DCHS2: variants seen among roughly 807,000 people sequenced by gnomAD.
DCHS2 encodes protocadherin-23.
A neutral mutation model predicts 182.4 loss-of-function variants in DCHS2; 142 were observed. The observed-to-expected ratio is 0.78, with a 90% CI of 0.68 to 0.89. DCHS2 has a LOEUF of 0.89. Ranked by LOEUF, DCHS2 falls within the 40% of genes least tolerant of loss-of-function variation. DCHS2 has a pLI of 0.00. For missense variants in DCHS2, 4,319 were observed against 4,198.6 expected (o/e 1.03, Z -0.79); for synonymous variants, 1,740 against 1,663.3 (o/e 1.05, Z -1.12).
chr4:154,475,076 A>G lies in DCHS2; in HGVS notation c.2052+14228T>C, dbSNP rs1396716328. On this transcript the variant is annotated intron_variant, in intron 1 of 19. Coordinates refer to ENST00000357232, the MANE Select transcript of DCHS2 (RefSeq NM_001358235.2). ...AAAATTAAAGTATTACTACTATTTA[A>G]AATCACTATTACCTTATCCTAATTG... Among the ~76,000 whole-genome samples the G allele has an allele frequency of 2.0e-5, 3 of 152,180 alleles. No homozygotes were observed. The East Asian group carries it at 5.8e-4, about 29-fold the overall frequency.
At chr4:154,475,131 G>A (rs1735633445) in intron 1 of DCHS2, among the ~76,000 whole-genome samples, 1 of 152,116 alleles carries the variant, frequency 6.6e-6, no homozygotes, top group Non-Finnish European at 1.5e-5. Context: ...GCAAGGGAAT[G>A]TAATAAGTGG....
Position 154,236,435 on chromosome 4 carries a change from A to T in DCHS2, c.8217T>A (p.Thr2739=), listed in dbSNP as rs779829506. 1.2e-6 allele frequency: 2 copies of T among 1,614,084 alleles called. No individual in the cohort carries two copies. Among genetic ancestry groups the T allele is most frequent in the Admixed American group, 1.7e-5 (1 of 60,014 alleles). The change falls in exon 20 of 20, where the codon ACT becomes ACA. Residue 2739 remains threonine (T), a synonymous_variant. Coordinates refer to ENST00000357232, the MANE Select transcript of DCHS2 (RefSeq NM_001358235.2). ...DYEKMTKFTL[T]VQASDAEKKH... Reference sequence around the variant, plus strand: ...TCTTTTCTGCATCTGAAGCTTGGACAGTTAAGGTGAATTTTGTCATTTTTT... The same window carrying T: ...TCTTTTCTGCATCTGAAGCTTGGACTGTTAAGGTGAATTTTGTCATTTTTT...
Position 154,278,548 on chromosome 4 carries a change from C to A in DCHS2, c.6464-8535G>T, listed in dbSNP as rs1733975855. Among the ~76,000 whole-genome samples, 8 of 151,198 alleles carry A rather than the reference C, an allele frequency of 5.3e-5. 1 individual carries two copies. The South Asian group carries it at 1.5e-3, about 28-fold the overall frequency. On this transcript the variant is annotated intron_variant, in intron 13 of 19. Coordinates refer to ENST00000357232, the MANE Select transcript of DCHS2 (RefSeq NM_001358235.2). ...TTAAAGGACTATACATAGGATAAAT[C>A]CAAAGAAATCTACGTGAGAACACAT...
At chr4:154,304,476 C>T (rs1056920232) in intron 12 of DCHS2, among the ~76,000 whole-genome samples, 193 bp downstream of exon 12, 2 of 152,020 alleles carry the variant, frequency 1.3e-5, no homozygotes, top group African/African-American at 4.8e-5. Flanking sequence ...TGTGTGTCAA[C>T]TCAGTCAGCA....
chr4:154,374,029 G>A, intron 2 of DCHS2: 1 of 1,098,978 alleles, frequency 9.1e-7, no homozygotes, highest in Non-Finnish European at 1.3e-6. Flanking sequence ...AAAAAAACTT[G>A]CTTATATAAC....
At chr4:154,367,491 C>CT (rs981822866) in intron 2 of DCHS2, among the ~76,000 whole-genome samples, 7 of 152,202 alleles carry the variant, frequency 4.6e-5, no homozygotes, top group Non-Finnish European at 8.8e-5. Context: ...TCCCATACTG[C>CT]TTTTTTGGTG....
chr4:154,235,539 G>A lies in DCHS2; in HGVS notation c.9113C>T (p.Ala3038Val), dbSNP rs1374868884. Reference protein sequence around the residue: ...YEEKKTSSLDADLRVTRDASV... With the variant: ...YEEKKTSSLDVDLRVTRDASV... ...GGCATCCCGGGTCACTCTCAAGTCC[G>A]CATCTAAAGATGAGGTTTTCTTCTC... The change falls in exon 20 of 20, where the codon GCG becomes GTG. Residue 3038 changes from alanine (A) to valine (V), a missense_variant. Transcript: ENST00000357232. 11 of 1,613,940 alleles carry A rather than the reference G, an allele frequency of 6.8e-6. No individual in the cohort carries two copies. The highest frequency in any genetic ancestry group is 1.3e-5 in the African/African-American group (1 of 74,896).
chr4:154,336,430 C>T (rs745805217), intron 3 of DCHS2, among the ~76,000 whole-genome samples: 3 of 152,114 alleles, frequency 2.0e-5, no homozygotes, highest in Non-Finnish European at 4.4e-5. Flanking sequence ...CGAACAAATA[C>T]GTATGGCTGG....
At chr4:154,344,599 G>C (rs938516728) in intron 3 of DCHS2, among the ~76,000 whole-genome samples, 1 of 152,168 alleles carries the variant, frequency 6.6e-6, no homozygotes, top group Non-Finnish European at 1.5e-5. Context: ...GAATAAGAAG[G>C]GGGTGATGAA....
chr4:154,414,483 C>CTT (rs770026688), intron 1 of DCHS2, among the ~76,000 whole-genome samples: 10 of 119,446 alleles, frequency 8.4e-5, no homozygotes, highest in Admixed American at 2.7e-4. Context: ...CTCCATACAG[C>CTT]TTTCTTTTTT....
At chr4:154,451,796 A>G (rs1414176630) in intron 1 of DCHS2, among the ~76,000 whole-genome samples, 1 of 152,224 alleles carries the variant, frequency 6.6e-6, no homozygotes. Flanking sequence ...AAATGGGATG[A>G]AGCCAGTGAC....
intron 1 of DCHS2, among the ~76,000 whole-genome samples, chr4:154,408,359 T>G (rs1236826476): frequency 6.6e-6 from 1 of 152,330 alleles, no homozygotes; most frequent in South Asian, 2.1e-4. Context: ...TGAAACTCTA[T>G]CCAAGAAGCT....
intron 19 of DCHS2, 111 bp from the exon 20 acceptor site, chr4:154,237,270 A>G: frequency 7.3e-7 from 1 of 1,373,534 alleles, no homozygotes. Context: ...TCTTTGTTAG[A>G]TCTGTTAAGT....
At chr4:154,423,910 T>C (rs1164016002) in intron 1 of DCHS2, among the ~76,000 whole-genome samples, 1 of 152,192 alleles carries the variant, frequency 6.6e-6, no homozygotes, top group Non-Finnish European at 1.5e-5. Flanking sequence ...GTAACGCCAA[T>C]ACTGCTGGTC....
rs567630296 is a variant in DCHS2, at chr4:154,369,018, G to A, written c.2245-2577C>T. 4.6e-5 allele frequency among the ~76,000 whole-genome samples: 7 copies of A among 152,234 alleles called. No individual in the cohort carries two copies. In the South Asian group the frequency reaches 1.0e-3, roughly 23 times the overall value. ...TATATTTTTTATCTGTTAATAAACT[G>A]TATATACATTTACTGTGCTAATGTA... On this transcript the variant is annotated intron_variant, in intron 2 of 19. Coordinates refer to ENST00000357232, the MANE Select transcript of DCHS2 (RefSeq NM_001358235.2).
intron 1 of DCHS2, among the ~76,000 whole-genome samples, chr4:154,479,158 A>G (rs1417453028): frequency 6.6e-6 from 1 of 152,210 alleles, no homozygotes; most frequent in Non-Finnish European, 1.5e-5. Context: ...TGAAAATTGT[A>G]TAAGTGAAAA....
chr4:154,235,675 T>G lies in DCHS2; in HGVS notation c.8977A>C (p.Ser2993Arg). 1.9e-6 allele frequency: 3 copies of G among 1,614,000 alleles called. No homozygotes were observed. Among genetic ancestry groups the G allele is most frequent in the Non-Finnish European group, 2.5e-6 (3 of 1,179,960 alleles). Residue 2993 changes from serine to arginine, a missense_variant, in exon 20 of 20, where the codon AGC (serine) becomes CGC (arginine). By Grantham distance (110) the Ser-to-Arg change is moderately radical. Coordinates refer to ENST00000357232, the MANE Select transcript of DCHS2 (RefSeq NM_001358235.2). Reference protein sequence around the residue: ...EGTPLAVFASSFSISLVVSFL... With the variant: ...EGTPLAVFASRFSISLVVSFL... Reference sequence around the variant, plus strand: ...GAGACCACCAGGCTGATTGAAAAGCTGCTGGCGAACACTGCCAAGGGTGTT... The same window carrying G: ...GAGACCACCAGGCTGATTGAAAAGCGGCTGGCGAACACTGCCAAGGGTGTT...
chr4:154,428,231 G>A (rs541206419), intron 1 of DCHS2, among the ~76,000 whole-genome samples: 1 of 152,278 alleles, frequency 6.6e-6, no homozygotes, highest in Non-Finnish European at 1.5e-5. Flanking sequence ...TAAAAAGACA[G>A]GGCCAATTCT....
chr4:154,317,167 A>G (rs1168087576), intron 9 of DCHS2, among the ~76,000 whole-genome samples: 1 of 152,268 alleles, frequency 6.6e-6, no homozygotes, highest in Non-Finnish European at 1.5e-5. Flanking sequence ...TTTGGCAATT[A>G]TCATTTTATG....
Sources: gnomAD v4.1 joint callset for allele counts (sites outside exome capture counted in the v4.1 genomes callset) on GRCh38, gnomAD v4.1.1 for gene constraint, MANE v1.5 for transcripts, NCBI Gene and HGNC (gene_info 2026-07-23, HGNC 2026-07-21) for gene names.